The following CNTN5 variants were observed in gnomAD, a reference collection of about 807,000 sequenced individuals.
CNTN5 encodes contactin 5.
A neutral mutation model predicts 129.1 loss-of-function variants in CNTN5; 77 were observed. The ratio of observed to expected loss-of-function variants is 0.60; its 90% CI spans 0.50 to 0.72. The LOEUF is 0.72. Among genes scored for constraint, CNTN5 ranks in the 30% least tolerant of loss-of-function variants. The pLI, the probability that CNTN5 is intolerant of heterozygous loss-of-function variation, is 0.00. For synonymous variants in CNTN5, 509 were observed against 465.6 expected, an observed-to-expected ratio of 1.09 and a Z score of -1.20; for missense variants, 1,478 against 1,328.8, an observed-to-expected ratio of 1.11 and a Z score of -1.75.
chr11:100,041,320 C>T (rs1942365628), intron 9 of CNTN5, among the ~76,000 whole-genome samples: 1 of 152,186 alleles, frequency 6.6e-6, no homozygotes, highest in Non-Finnish European at 1.5e-5. Flanking sequence ...TCCTCTAAAT[C>T]ATGTCCAATA....
intron 1 of CNTN5, among the ~76,000 whole-genome samples, chr11:99,029,012 C>T (rs1444256260): frequency 1.3e-5 from 2 of 151,712 alleles, no homozygotes; most frequent in African/African-American, 2.4e-5. Context: ...TCAGTTTTGA[C>T]TTTAAAACTT....
At chr11:99,930,360 G>T (rs944420453) in intron 7 of CNTN5, among the ~76,000 whole-genome samples, 1 of 152,158 alleles carries the variant, frequency 6.6e-6, no homozygotes, top group Non-Finnish European at 1.5e-5. Flanking sequence ...GACCCTTACT[G>T]TGTATGCCTG....
chr11:100,066,032 C>T (rs1004660994), intron 10 of CNTN5, among the ~76,000 whole-genome samples: 4 of 151,898 alleles, frequency 2.6e-5, no homozygotes, highest in Admixed American at 2.0e-4. Context: ...AAATTCTTGC[C>T]TTGAATTCTA....
intron 6 of CNTN5, among the ~76,000 whole-genome samples, chr11:99,899,910 T>C (rs1466908084): frequency 6.6e-6 from 1 of 152,014 alleles, no homozygotes; most frequent in African/African-American, 2.4e-5. Context: ...TCAATTTCAT[T>C]ACTCATTGTT....
intron 16 of CNTN5, among the ~76,000 whole-genome samples, chr11:100,242,235 ATATTGT>A (rs2138684554): frequency 6.6e-6 from 1 of 152,238 alleles, no homozygotes; most frequent in Non-Finnish European, 1.5e-5. Flanking sequence ...ACTCTTGCCC[ATATTGT>A]TTATGTGGCT....
chr11:99,578,841 C>G (rs1591307142), intron 3 of CNTN5, among the ~76,000 whole-genome samples: 1 of 152,070 alleles, frequency 6.6e-6, no homozygotes, highest in South Asian at 2.1e-4. Flanking sequence ...TAATTAGATC[C>G]CATTTGTCAA....
chr11:99,097,777 C>G (rs1866545550), intron 1 of CNTN5, among the ~76,000 whole-genome samples: 1 of 151,830 alleles, frequency 6.6e-6, no homozygotes. Context: ...ATGCTAATGT[C>G]TTTCCTACAT....
chr11:99,900,881 C>A (rs1478937582), intron 6 of CNTN5, among the ~76,000 whole-genome samples: 1 of 151,962 alleles, frequency 6.6e-6, no homozygotes, highest in African/African-American at 2.4e-5. Context: ...CTCTGTTTCC[C>A]AGCTAGCCTC....
intron 9 of CNTN5, among the ~76,000 whole-genome samples, chr11:100,002,394 T>A (rs78962553): frequency 0.016 from 2,373 of 152,270 alleles, 40 homozygotes; most frequent in South Asian, 0.067. Flanking sequence ...AAGCTTTACA[T>A]CTTTACCTAT....
chr11:99,323,613 G>C (rs1344740360), intron 1 of CNTN5, among the ~76,000 whole-genome samples: 2 of 151,914 alleles, frequency 1.3e-5, no homozygotes, highest in East Asian at 3.9e-4. Context: ...CTGTATAATT[G>C]CTAAGAAGTA....
rs114787527 is a variant in CNTN5 at position 99,342,824 on chromosome 11, C to A, written c.-71+17340C>A. Reference sequence around the variant, plus strand: ...TTTATTTTTAGGACTATAAAAAAATCTTTGGATACAATTAATTAGAACCAG... The same window carrying A: ...TTTATTTTTAGGACTATAAAAAAATATTTGGATACAATTAATTAGAACCAG... On this transcript the variant is annotated intron_variant, in intron 2 of 24. Transcript: ENST00000524871. Among the ~76,000 whole-genome samples, 723 of 152,038 alleles carry A rather than the reference C, an allele frequency of 4.8e-3. 2 individuals are homozygous for A. The highest frequency in any genetic ancestry group is 0.016 in the African/African-American group (675 of 41,496).
chr11:99,698,778 A>C (rs973066840), intron 3 of CNTN5, among the ~76,000 whole-genome samples: 2 of 151,104 alleles, frequency 1.3e-5, no homozygotes, highest in Non-Finnish European at 1.5e-5. Context: ...AGAAAAATGA[A>C]ATTACTGATT....
At chr11:99,511,965 ATAAAG>A (rs1207232319) in intron 2 of CNTN5, among the ~76,000 whole-genome samples, 2 of 152,138 alleles carry the variant, frequency 1.3e-5, no homozygotes, top group Admixed American at 6.6e-5. Context: ...AATTAAGTTT[ATAAAG>A]TAAATTAATT....
At chr11:99,124,586 A>G (rs1858524419) in intron 1 of CNTN5, among the ~76,000 whole-genome samples, 1 of 152,122 alleles carries the variant, frequency 6.6e-6, no homozygotes, top group African/African-American at 2.4e-5. Context: ...CCAACTCTAA[A>G]GCTAGCAGAA....
At chr11:99,992,911 G>C (rs1241786171) in intron 8 of CNTN5, among the ~76,000 whole-genome samples, 2 of 152,176 alleles carry the variant, frequency 1.3e-5, no homozygotes, top group African/African-American at 4.8e-5. Flanking sequence ...AGCCAGGATA[G>C]ACAGGTCTGG....
chr11:100,034,294 A>G (rs781503499), intron 9 of CNTN5, among the ~76,000 whole-genome samples: 3 of 152,218 alleles, frequency 2.0e-5, no homozygotes, highest in East Asian at 1.9e-4. Flanking sequence ...TAGAAGTCCA[A>G]TTAATACTCT....
intron 8 of CNTN5, among the ~76,000 whole-genome samples, chr11:99,982,279 TAAAG>T (rs1254681572): frequency 3.3e-5 from 5 of 152,090 alleles, no homozygotes; most frequent in Non-Finnish European, 1.5e-5. Flanking sequence ...CATACAAAAA[TAAAG>T]AGCTTGAATT....
At chr11:99,713,985 A>C (rs1442559800) in intron 3 of CNTN5, among the ~76,000 whole-genome samples, 1 of 151,876 alleles carries the variant, frequency 6.6e-6, no homozygotes, top group Non-Finnish European at 1.5e-5. Flanking sequence ...ATGGCATTGA[A>C]ATTTTCCGCA....
intron 1 of CNTN5, among the ~76,000 whole-genome samples, chr11:99,026,559 T>G (rs11218099): frequency 0.077 from 11,713 of 151,562 alleles, 822 homozygotes; most frequent in East Asian, 0.23. Flanking sequence ...AACCGTATCA[T>G]TCAAATTCAG....
Sources: gnomAD v4.1 joint callset for allele counts (sites outside exome capture counted in the v4.1 genomes callset) on GRCh38, gnomAD v4.1.1 for gene constraint, MANE v1.5 for transcripts, NCBI Gene and HGNC (gene_info 2026-07-23, HGNC 2026-07-21) for gene names.